The following SYT16 variants were observed in gnomAD, a reference collection of about 807,000 sequenced individuals.
The protein encoded by SYT16 is synaptotagmin-16.
Under a neutral mutation model 61.4 loss-of-function variants are expected in SYT16, and 42 were observed. That is an observed-to-expected ratio of 0.68 (90% CI 0.53 to 0.89). The LOEUF is 0.89. Among genes scored for constraint, SYT16 ranks in the 40% least tolerant of loss-of-function variants. The pLI, the probability that SYT16 is intolerant of heterozygous loss-of-function variation, is 0.00. For synonymous variants in SYT16, 314 were observed against 302.3 expected (o/e 1.04, Z -0.40); for missense variants, 804 against 807.3 (o/e 1.00, Z 0.05).
intron 1 of SYT16, among the ~76,000 whole-genome samples, chr14:61,962,603 C>A (rs1232962328): frequency 6.6e-6 from 1 of 151,940 alleles, no homozygotes; most frequent in Non-Finnish European, 1.5e-5. Context: ...CTCTTTGCCC[C>A]TTTCTATATT....
chr14:62,011,942 T>TATATATATATATATATATATATATATATA (rs1555370094), intron 3 of SYT16, among the ~76,000 whole-genome samples: 22 of 144,686 alleles, frequency 1.5e-4, no homozygotes, highest in African/African-American at 5.1e-4. Flanking sequence ...TATATATATA[T>TATATATATATATATATATATATATATATA]TTGATGCTGT....
intron 2 of SYT16, among the ~76,000 whole-genome samples, chr14:61,980,659 G>A (rs2052028836): frequency 6.6e-6 from 1 of 152,076 alleles, no homozygotes; most frequent in Admixed American, 6.5e-5. Context: ...GAAATAAAAT[G>A]GTGAAAAAGA....
At chr14:61,877,935 G>A (rs1044115142) in intron 1 of SYT16, among the ~76,000 whole-genome samples, 2 of 152,320 alleles carry the variant, frequency 1.3e-5, no homozygotes, top group South Asian at 2.1e-4. Context: ...AGGGTGATAA[G>A]AGCAGAATGT....
At chr14:61,942,015 T>A (rs1399066915) in intron 1 of SYT16, among the ~76,000 whole-genome samples, 5 of 152,242 alleles carry the variant, frequency 3.3e-5, no homozygotes, top group Non-Finnish European at 7.3e-5. Context: ...TGAAAGATGT[T>A]CAGAAATTGG....
At chr14:61,928,609 C>T (rs191616214) in intron 1 of SYT16, among the ~76,000 whole-genome samples, 209 of 152,276 alleles carry the variant, frequency 1.4e-3, no homozygotes, top group Non-Finnish European at 2.3e-3. Flanking sequence ...GCCCAGTCTT[C>T]TGGGATTGGC....
At chr14:61,906,847 C>T (rs140822737) in intron 1 of SYT16, among the ~76,000 whole-genome samples, 11 of 146,356 alleles carry the variant, frequency 7.5e-5, no homozygotes, top group Middle Eastern at 3.4e-3. Context: ...TTGTACTATC[C>T]GCCTATGATG....
chr14:61,819,143 A>G (rs1381799165), intron 1 of SYT16, among the ~76,000 whole-genome samples: 2 of 152,218 alleles, frequency 1.3e-5, no homozygotes, highest in Non-Finnish European at 2.9e-5. Context: ...TATGTTTTAT[A>G]AAAGAAATGG....
chr14:62,039,774 A>G (rs2054643374), intron 3 of SYT16, among the ~76,000 whole-genome samples: 1 of 150,788 alleles, frequency 6.6e-6, no homozygotes, highest in South Asian at 2.1e-4. Flanking sequence ...GCACTTCACC[A>G]CTATATGAGA....
chr14:61,839,645 G>A (rs933826337), intron 1 of SYT16, among the ~76,000 whole-genome samples: 1 of 152,100 alleles, frequency 6.6e-6, no homozygotes, highest in African/African-American at 2.4e-5. Flanking sequence ...TGCACGTTTT[G>A]GAATTATCTG....
intron 3 of SYT16, among the ~76,000 whole-genome samples, chr14:62,000,033 A>G (rs1369648205): frequency 7.0e-6 from 1 of 143,742 alleles, no homozygotes; most frequent in African/African-American, 2.6e-5. Flanking sequence ...TGGAGAGAGT[A>G]TTCTATAAAT....
At chr14:61,815,862 C>A (rs1451049564) in intron 1 of SYT16, among the ~76,000 whole-genome samples, 1 of 151,922 alleles carries the variant, frequency 6.6e-6, no homozygotes, top group Admixed American at 6.6e-5. Context: ...TTTTTTATTC[C>A]ATTTATGGCA....
intron 1 of SYT16, among the ~76,000 whole-genome samples, chr14:61,961,436 A>G (rs1361388927): frequency 1.3e-5 from 2 of 152,150 alleles, no homozygotes; most frequent in East Asian, 3.9e-4. Context: ...AAAATGAGCA[A>G]CCCTGTTAAA....
intron 1 of SYT16, among the ~76,000 whole-genome samples, chr14:61,817,485 G>A (rs2045480617): frequency 6.6e-6 from 1 of 152,018 alleles, no homozygotes; most frequent in South Asian, 2.1e-4. Context: ...GGAAGCACCG[G>A]GAAGGACACA....
intron 1 of SYT16, among the ~76,000 whole-genome samples, chr14:61,869,994 C>T (rs1566640087): frequency 6.6e-6 from 1 of 152,080 alleles, no homozygotes; most frequent in Non-Finnish European, 1.5e-5. Context: ...ATGTTATTAT[C>T]TTTGCTTTAG....
chr14:61,820,745 T>C (rs2045595418), intron 1 of SYT16, among the ~76,000 whole-genome samples: 1 of 152,006 alleles, frequency 6.6e-6, no homozygotes, highest in Non-Finnish European at 1.5e-5. Flanking sequence ...GTTTTCAGAG[T>C]TGAATGCCCT....
At chr14:62,025,693 C>A (rs1490264758) in intron 3 of SYT16, among the ~76,000 whole-genome samples, 1 of 151,546 alleles carries the variant, frequency 6.6e-6, no homozygotes, top group Non-Finnish European at 1.5e-5. Flanking sequence ...TGTTATCCAG[C>A]CCCAAAATGT....
At chr14:62,003,645 A>G (rs1291421106) in intron 3 of SYT16, among the ~76,000 whole-genome samples, 1 of 152,082 alleles carries the variant, frequency 6.6e-6, no homozygotes, top group Non-Finnish European at 1.5e-5. Flanking sequence ...AAGCTGGAAC[A>G]TAGAGTTTAT....
In SYT16 at chr14:62,101,443, T is replaced by C. The variant is rs1273570776; in HGVS notation, c.*736T>C. ...TCAAACTTGTGACTTTCAAGGTTTT[T>C]ATGCTGTCTTTCTCACCCAATAAGT... On this transcript the variant is annotated 3_prime_UTR_variant, in exon 8 of 8. Coordinates refer to ENST00000683842, the MANE Select transcript of SYT16 (RefSeq NM_001367656.1). The C allele has an allele frequency of 1.3e-5, 2 of 152,210 alleles. No homozygotes were observed. The highest frequency in any genetic ancestry group is 2.4e-5 in the African/African-American group (1 of 41,466). 9.4% of individuals were successfully genotyped at this position (152,210 alleles called of 1,614,324 possible). A position where few individuals can be genotyped will look rare whatever the true frequency, so the allele number is the denominator to read the frequency against.
At chr14:61,896,938 T>G (rs1056801842) in intron 1 of SYT16, among the ~76,000 whole-genome samples, 1 of 152,224 alleles carries the variant, frequency 6.6e-6, no homozygotes, top group African/African-American at 2.4e-5. Flanking sequence ...CTGAGATTTA[T>G]CCTATTAAAT....
Sources: gnomAD v4.1 joint callset for allele counts (sites outside exome capture counted in the v4.1 genomes callset) on GRCh38, gnomAD v4.1.1 for gene constraint, MANE v1.5 for transcripts, NCBI Gene and HGNC (gene_info 2026-07-23, HGNC 2026-07-21) for gene names.